Variants in FIG4 observed in about 807,000 individuals in gnomAD.
The protein encoded by FIG4 is FIG4 phosphoinositide 5-phosphatase, also known as polyphosphoinositide phosphatase.
Under a neutral mutation model 118.6 loss-of-function variants are expected in FIG4, and 112 were observed. The ratio of observed to expected loss-of-function variants is 0.94; its 90% confidence interval spans 0.81 to 1.11. The LOEUF is 1.11. Ranked by LOEUF, FIG4 falls within the 50% of genes least tolerant of loss-of-function variation. The pLI, the probability that FIG4 is intolerant of heterozygous loss-of-function variation, is 0.00. For missense variants in FIG4, 969 were observed against 1,111.7 expected, an observed-to-expected ratio of 0.87 and a Z score of 1.83; for synonymous variants, 369 against 381.2, an observed-to-expected ratio of 0.97 and a Z score of 0.37.
At chr6:109,800,839 GA>G (rs1039199802) in intron 22 of FIG4, among the ~76,000 whole-genome samples, 7 of 151,714 alleles carry the variant, frequency 4.6e-5, no homozygotes, top group African/African-American at 1.7e-4. Flanking sequence ...CTGAGAGAGA[GA>G]AAAAAAATAA....
chr6:109,806,931 G>T (rs1778580778), intron 22 of FIG4, among the ~76,000 whole-genome samples: 1 of 152,134 alleles, frequency 6.6e-6, no homozygotes, highest in Non-Finnish European at 1.5e-5. Flanking sequence ...CAAAGGACAT[G>T]AACTCATCCT....
At position 109,801,861 on chromosome 6, in the gene FIG4, A is replaced by G. The variant is rs761946535; in HGVS notation, c.2546+5010A>G. ...CACCCAGGACCTCCCACCTCCATTGATTTCATCTGGAACTTTGTAGATACT... is the reference window on the plus strand; with the variant it reads ...CACCCAGGACCTCCCACCTCCATTGGTTTCATCTGGAACTTTGTAGATACT... On this transcript the variant is annotated intron_variant, in intron 22 of 22. Transcript: ENST00000230124. 2.7e-4 allele frequency among the ~76,000 whole-genome samples: 41 copies of G among 152,158 alleles called. 1 individual carries two copies. The highest frequency in any genetic ancestry group is 8.8e-5 in the Non-Finnish European group (6 of 68,036).
At chr6:109,792,431 C>T in intron 20 of FIG4, 151 bp from the exon 21 acceptor site, 1 of 583,360 alleles carries the variant, frequency 1.7e-6, no homozygotes, top group South Asian at 2.1e-5. Flanking sequence ...TTTTTTAAAA[C>T]CATCAACTAA....
At chr6:109,794,255 A>G (rs1457836716) in intron 21 of FIG4, among the ~76,000 whole-genome samples, 2 of 152,354 alleles carry the variant, frequency 1.3e-5, no homozygotes, top group Non-Finnish European at 2.9e-5. Flanking sequence ...TTATGGGCTA[A>G]TAGCGCAGCA....
At chr6:109,763,250 G>A (rs189714666) in intron 12 of FIG4, among the ~76,000 whole-genome samples, 2 of 152,310 alleles carry the variant, frequency 1.3e-5, no homozygotes, top group Non-Finnish European at 2.9e-5. Context: ...TGGGAATGGT[G>A]GAAACCCTCC....
Position 109,825,379 on chromosome 6 carries a change from C to T in FIG4, c.*114C>T. On this transcript the variant is annotated 3_prime_UTR_variant, in exon 23 of 23. Coordinates refer to ENST00000230124, the MANE Select transcript of FIG4 (RefSeq NM_014845.6). ...TTGCGTCTGAAGCCTTTCTCCTTTT[C>T]TGTCACTTGCAAATTCCAAATTATA... 1 of 961,190 alleles carries T rather than the reference C, an allele frequency of 1.0e-6. No homozygotes were observed. Among genetic ancestry groups the T allele is most frequent in the Non-Finnish European group, 1.6e-6 (1 of 617,712 alleles). The allele number at this position is 961,190 out of a possible 1,614,324, so 59.5% of individuals were successfully genotyped here. A position where few individuals can be genotyped will look rare whatever the true frequency, so the allele number is the denominator to read the frequency against.
At chr6:109,811,557 A>G (rs1228008941) in intron 22 of FIG4, among the ~76,000 whole-genome samples, 1 of 152,224 alleles carries the variant, frequency 6.6e-6, no homozygotes, top group East Asian at 1.9e-4. Context: ...AGCACCTACT[A>G]TGTGTCAGGC....
rs1375996874 is a variant in FIG4 at position 109,765,108 on chromosome 6, T to C, written c.1530T>C (p.Tyr510=). 6.2e-7 allele frequency: 1 copy of C among 1,613,952 alleles called. No homozygotes were observed. The highest frequency in any genetic ancestry group is 8.5e-7 in the Non-Finnish European group (1 of 1,179,796). ...VGKCALAYQL[Y]SLGLIDKPNL... is the part of the protein sequence containing the mutation. ...AATGTGCTCTGGCCTATCAGCTGTATTCACTGGGACTGATTGACAAACCTA... is the reference window on the plus strand; with the variant it reads ...AATGTGCTCTGGCCTATCAGCTGTACTCACTGGGACTGATTGACAAACCTA... Residue 510 remains tyrosine, a synonymous_variant, in exon 14 of 23, where the codon TAT becomes TAC. Coordinates refer to ENST00000230124, the MANE Select transcript of FIG4 (RefSeq NM_014845.6).
chr6:109,823,225 C>T (rs575927864), intron 22 of FIG4, among the ~76,000 whole-genome samples: 23 of 152,184 alleles, frequency 1.5e-4, no homozygotes, highest in South Asian at 4.2e-4. Flanking sequence ...TTGAGAAACA[C>T]GTACAGTAAG....
At chr6:109,710,361 A>G (rs1231175305) in intron 1 of FIG4, among the ~76,000 whole-genome samples, 1 of 152,102 alleles carries the variant, frequency 6.6e-6, no homozygotes, top group Non-Finnish European at 1.5e-5. Context: ...ATTTGCCAGT[A>G]TTTTGTTGAG....
At chr6:109,810,973 A>T (rs558037032) in intron 22 of FIG4, among the ~76,000 whole-genome samples, 1 of 152,270 alleles carries the variant, frequency 6.6e-6, no homozygotes, top group East Asian at 1.9e-4. Context: ...ATATCCAAGG[A>T]TACTCTTGTG....
chr6:109,792,458 G>A (rs988013617), intron 20 of FIG4, 124 bp from the exon 21 acceptor site: 36 of 677,506 alleles, frequency 5.3e-5, no homozygotes, highest in Non-Finnish European at 8.4e-5. Flanking sequence ...TAATGAACAG[G>A]TTAAAGAAGC....
intron 8 of FIG4, 32 bp from the exon 9 acceptor site, chr6:109,743,076 CAT>C (rs777519753): frequency 6.4e-6 from 10 of 1,563,276 alleles, no homozygotes; most frequent in South Asian, 5.6e-5. Context: ...TTTCTAATAA[CAT>C]AAAATATTTT....
At chr6:109,755,994 T>C (rs7772938) in intron 10 of FIG4, among the ~76,000 whole-genome samples, 46,332 of 152,032 alleles carry the variant, frequency 0.3, 7,606 homozygotes, top group Non-Finnish European at 0.37. Flanking sequence ...GTTAGTTGGT[T>C]ATTTTGCTCG....
chr6:109,814,786 A>C (rs1440975832), intron 22 of FIG4, among the ~76,000 whole-genome samples: 1 of 152,146 alleles, frequency 6.6e-6, no homozygotes, highest in Non-Finnish European at 1.5e-5. Flanking sequence ...TTCTAGGCTC[A>C]TCATGTCCTT....
intron 1 of FIG4, among the ~76,000 whole-genome samples, chr6:109,714,187 C>T (rs948860527): frequency 2.0e-5 from 3 of 152,274 alleles, no homozygotes; most frequent in African/African-American, 4.8e-5. Context: ...GAGGCCTTGG[C>T]GAGAGTAAGT....
intron 22 of FIG4, among the ~76,000 whole-genome samples, chr6:109,807,410 T>C (rs1778596609): frequency 6.6e-6 from 1 of 152,258 alleles, no homozygotes; most frequent in Non-Finnish European, 1.5e-5. Context: ...AAATGTGTTC[T>C]TTTGAGAAGT....
intron 3 of FIG4, among the ~76,000 whole-genome samples, chr6:109,717,494 A>G (rs1404827426): frequency 2.6e-5 from 4 of 152,166 alleles, no homozygotes; most frequent in Admixed American, 2.6e-4. Context: ...TCTGTGGCAG[A>G]GGATAAAATC....
chr6:109,746,301 C>T (rs17070921), intron 10 of FIG4, among the ~76,000 whole-genome samples: 3,863 of 152,222 alleles, frequency 0.025, 85 homozygotes, highest in East Asian at 0.091. Flanking sequence ...CAGCTCCTGC[C>T]TTGAGCTAAC....
Sources: allele counts gnomAD v4.1 joint callset (sites outside exome capture counted in the v4.1 genomes callset), GRCh38; gene constraint gnomAD v4.1.1; transcripts MANE v1.5; gene names NCBI Gene and HGNC (gene_info 2026-07-23, HGNC 2026-07-21).